Variants in CCSER1 observed in about 807,000 individuals in gnomAD.
The protein encoded by CCSER1 is coiled-coil serine rich protein 1, also known as serine-rich coiled-coil domain-containing protein 1.
In CCSER1, 41 loss-of-function variants were observed where a neutral mutation model predicts 82.0. The observed-to-expected ratio is 0.50, with a 90% CI of 0.39 to 0.65. The LOEUF is 0.65. Among genes scored for constraint, CCSER1 ranks in the 30% least tolerant of loss-of-function variants. CCSER1 has a pLI of 0.00. For missense variants in CCSER1, 1,119 were observed against 1,064.2 expected (o/e 1.05, Z -0.72); for synonymous variants, 414 against 383.9 (o/e 1.08, Z -0.92).
intron 1 of CCSER1, among the ~76,000 whole-genome samples, chr4:90,187,895 C>A (rs1049911725): frequency 1.3e-5 from 2 of 151,692 alleles, no homozygotes; most frequent in Non-Finnish European, 2.9e-5. Context: ...GAAACAGTTG[C>A]AGAAGAAAAA....
chr4:90,402,106 G>GA (rs1027670186), intron 4 of CCSER1, among the ~76,000 whole-genome samples: 1 of 152,166 alleles, frequency 6.6e-6, no homozygotes, highest in African/African-American at 2.4e-5. Flanking sequence ...TGGGTGGAGG[G>GA]AAAATGTTAA....
intron 4 of CCSER1, among the ~76,000 whole-genome samples, chr4:90,438,774 T>TTCTA (rs10617236): frequency 0.24 from 36,371 of 150,228 alleles, 4,324 homozygotes; most frequent in East Asian, 0.28. Flanking sequence ...TTTTGATATC[T>TTCTA]TCTATCTATC....
intron 8 of CCSER1, among the ~76,000 whole-genome samples, chr4:90,914,501 T>A (rs1274718845): frequency 1.3e-5 from 2 of 152,004 alleles, no homozygotes; most frequent in African/African-American, 2.4e-5. Flanking sequence ...AGCAGTGCGT[T>A]GAGGGAAATT....
At chr4:90,255,626 T>G (rs1343152899) in intron 1 of CCSER1, among the ~76,000 whole-genome samples, 1 of 151,632 alleles carries the variant, frequency 6.6e-6, no homozygotes, top group Non-Finnish European at 1.5e-5. Flanking sequence ...ATATCTGTTT[T>G]TAAAATAAGT....
intron 10 of CCSER1, among the ~76,000 whole-genome samples, chr4:91,335,225 A>C (rs1196670415): frequency 6.6e-6 from 1 of 152,114 alleles, no homozygotes; most frequent in East Asian, 1.9e-4. Context: ...GAGCCACAGC[A>C]TGAAACTGAG....
chr4:91,030,505 C>T (rs12509483), intron 9 of CCSER1, among the ~76,000 whole-genome samples: 51,492 of 151,814 alleles, frequency 0.34, 10,544 homozygotes, highest in East Asian at 0.58. Flanking sequence ...CTGATGCCGG[C>T]CTGGAGGATG....
intron 10 of CCSER1, among the ~76,000 whole-genome samples, chr4:91,528,154 C>G (rs1362376393): frequency 6.6e-6 from 1 of 152,074 alleles, no homozygotes; most frequent in African/African-American, 2.4e-5. Context: ...CTCCTGACCT[C>G]AAGGAATGCA....
At chr4:90,561,912 G>A (rs1165324905) in intron 5 of CCSER1, among the ~76,000 whole-genome samples, 2 of 152,138 alleles carry the variant, frequency 1.3e-5, no homozygotes, top group Non-Finnish European at 2.9e-5. Flanking sequence ...TTTAGGCCGG[G>A]AGTGGTAGCT....
intron 10 of CCSER1, among the ~76,000 whole-genome samples, chr4:91,114,700 G>A (rs998827455): frequency 6.6e-6 from 1 of 152,104 alleles, no homozygotes; most frequent in Non-Finnish European, 1.5e-5. Flanking sequence ...GGAGGGAGAC[G>A]GCTCCCGCTT....
intron 5 of CCSER1, among the ~76,000 whole-genome samples, chr4:90,497,549 C>G (rs1484736107): frequency 2.6e-5 from 4 of 152,226 alleles, no homozygotes; most frequent in African/African-American, 9.6e-5. Flanking sequence ...TTTACTTTTA[C>G]AAACTATTTA....
chr4:90,803,331 T>C (rs955723471), intron 7 of CCSER1, among the ~76,000 whole-genome samples: 2 of 152,144 alleles, frequency 1.3e-5, no homozygotes, highest in African/African-American at 2.4e-5. Context: ...TCACGTACTT[T>C]AGGTATTTCT....
chr4:91,541,282 GGTTT>G (rs1248024262), intron 10 of CCSER1, among the ~76,000 whole-genome samples: 2 of 152,130 alleles, frequency 1.3e-5, no homozygotes, highest in Non-Finnish European at 2.9e-5. Context: ...ACAACGTGCA[GGTTT>G]GTTACATATG....
intron 10 of CCSER1, among the ~76,000 whole-genome samples, chr4:91,353,710 C>T (rs1429631949): frequency 6.6e-6 from 1 of 152,060 alleles, no homozygotes; most frequent in Non-Finnish European, 1.5e-5. Context: ...TATGCTTGTG[C>T]TGAAGCATTT....
intron 5 of CCSER1, among the ~76,000 whole-genome samples, chr4:90,595,333 C>A (rs1209427329): frequency 6.6e-6 from 1 of 151,818 alleles, no homozygotes; most frequent in East Asian, 1.9e-4. Flanking sequence ...CTAATAAGAA[C>A]GTTTAGTGTT....
At chr4:91,570,445 C>T (rs746789173) in intron 10 of CCSER1, among the ~76,000 whole-genome samples, 3 of 152,202 alleles carry the variant, frequency 2.0e-5, no homozygotes, top group Non-Finnish European at 4.4e-5. Context: ...CAAATTTCTG[C>T]CTGGACATCC....
chr4:90,997,694 GTTGCA>G (rs527651431), intron 9 of CCSER1, among the ~76,000 whole-genome samples: 169 of 152,254 alleles, frequency 1.1e-3, no homozygotes, highest in African/African-American at 3.9e-3. Context: ...GTACATATAA[GTTGCA>G]TAGTTCTTAT....
rs182174662 is a variant in CCSER1 at position 91,261,158 on chromosome 4, T to C, written c.2217+175164T>C. ...AGTGGTACCAACACATGGCAATTTT[T>C]TTCTAATTTTTCAGATGATATCCAA... On this transcript the variant is annotated intron_variant, in intron 10 of 10. Transcript: ENST00000509176. 1.2e-3 allele frequency among the ~76,000 whole-genome samples: 180 copies of C among 152,322 alleles called. 1 individual carries two copies. The highest frequency in any genetic ancestry group is 8.4e-3 in the Admixed American group (129 of 15,300).
rs753610455 is a variant in CCSER1, at chr4:91,177,605, G to A, written c.2217+91611G>A. On this transcript the variant is annotated intron_variant, in intron 10 of 10. Transcript: ENST00000509176. The stretch of plus-strand genomic sequence containing the variant: ...CTTTTAGATTTTCTAGTTTATTTAC[G>A]TAGAGGTGTTTCTAGTATTCTCTGA... Among the ~76,000 whole-genome samples, 7 of 152,192 alleles carry A rather than the reference G, an allele frequency of 4.6e-5. No individual in the cohort carries two copies. In the East Asian group the frequency reaches 5.8e-4, roughly 13 times the overall value.
intron 8 of CCSER1, among the ~76,000 whole-genome samples, chr4:90,831,966 G>T (rs1172344236): frequency 6.6e-6 from 1 of 151,760 alleles, no homozygotes; most frequent in African/African-American, 2.4e-5. Context: ...TCTAATAATT[G>T]TATATCACAT....
Sources: gnomAD v4.1 joint callset for allele counts (sites outside exome capture counted in the v4.1 genomes callset) on GRCh38, gnomAD v4.1.1 for gene constraint, MANE v1.5 for transcripts, NCBI Gene and HGNC (gene_info 2026-07-23, HGNC 2026-07-21) for gene names.